NEK10: variants seen among roughly 807,000 people sequenced by gnomAD.
NEK10 encodes the protein serine/threonine-protein kinase Nek10.
In NEK10, 122 loss-of-function variants were observed where a neutral mutation model predicts 159.8. The observed-to-expected ratio is 0.76, with a 90% confidence interval of 0.66 to 0.89. The LOEUF (loss-of-function observed/expected upper bound fraction) is 0.89. Ranked by LOEUF, NEK10 falls within the 40% of genes least tolerant of loss-of-function variation. The pLI is 0.00. For missense variants in NEK10, 1,342 were observed against 1,323.1 expected (o/e 1.01, Z -0.22); for synonymous variants, 466 against 457.1 (o/e 1.02, Z -0.25).
intron 31 of NEK10, among the ~76,000 whole-genome samples, chr3:27,138,697 C>T (rs141655810): frequency 1.9e-4 from 29 of 152,284 alleles, no homozygotes; most frequent in African/African-American, 6.5e-4. Context: ...GATTTGGGAA[C>T]TGGTTTGACT....
At chr3:27,128,524 G>A (rs1051827226) in intron 32 of NEK10, among the ~76,000 whole-genome samples, 14 of 152,102 alleles carry the variant, frequency 9.2e-5, no homozygotes, top group Admixed American at 2.0e-4. Flanking sequence ...GTTAACATGC[G>A]ATAGAATTCA....
intron 33 of NEK10, among the ~76,000 whole-genome samples, chr3:27,119,107 GC>G (rs59236701): frequency 6.6e-6 from 1 of 152,162 alleles, no homozygotes; most frequent in Non-Finnish European, 1.5e-5. Context: ...ATTATGCTGA[GC>G]CCCTACTAAT....
chr3:27,112,667 T>A (rs1258715899), intron 35 of NEK10, among the ~76,000 whole-genome samples: 1 of 152,242 alleles, frequency 6.6e-6, no homozygotes, highest in Non-Finnish European at 1.5e-5. Context: ...TTTCTTATAG[T>A]ACATCTCAGA....
intron 22 of NEK10, among the ~76,000 whole-genome samples, chr3:27,272,489 G>C (rs575162675): frequency 7.9e-5 from 12 of 152,210 alleles, no homozygotes; most frequent in Non-Finnish European, 1.8e-4. Context: ...CAAAAAAGGG[G>C]ATGCACTTCT....
chr3:27,209,695 C>T (rs1950835523), intron 23 of NEK10, among the ~76,000 whole-genome samples: 1 of 152,192 alleles, frequency 6.6e-6, no homozygotes. Flanking sequence ...CAAAGGTGGG[C>T]CACGACTGGT....
At chr3:27,256,912 C>CTCTT (rs1956251908) in intron 22 of NEK10, among the ~76,000 whole-genome samples, 1 of 125,120 alleles carries the variant, frequency 8.0e-6, no homozygotes, top group African/African-American at 3.1e-5. Context: ...TTTTTTCTCT[C>CTCTT]TTTTTTTTTT....
intron 32 of NEK10, among the ~76,000 whole-genome samples, chr3:27,129,514 T>A (rs1942370208): frequency 6.6e-6 from 1 of 152,112 alleles, no homozygotes. Flanking sequence ...ATCAAAAGAT[T>A]ATACCAGAAA....
At chr3:27,247,225 A>G (rs746639478) in intron 23 of NEK10, among the ~76,000 whole-genome samples, 3 of 152,016 alleles carry the variant, frequency 2.0e-5, no homozygotes, top group Non-Finnish European at 4.4e-5. Flanking sequence ...GAGGTTTTCA[A>G]TTTTTCCCCA....
intron 29 of NEK10, among the ~76,000 whole-genome samples, chr3:27,163,279 G>C (rs908072371): frequency 1.3e-5 from 2 of 151,996 alleles, no homozygotes; most frequent in African/African-American, 4.8e-5. Flanking sequence ...ACTCTGTGGA[G>C]GTGGCCTTAG....
Position 27,108,849 on chromosome 3 carries a change from A to C in NEK10, c.*2423T>G, listed in dbSNP as rs1939237864. Among the ~76,000 whole-genome samples the C allele has an allele frequency of 6.6e-6, 1 of 152,184 alleles. No individual in the cohort carries two copies. The highest frequency in any genetic ancestry group is 1.5e-5 in the Non-Finnish European group (1 of 68,038). On this transcript the variant is annotated 3_prime_UTR_variant, in exon 36 of 36. Transcript: ENST00000691995. ...TGTTGGGATGTGACTCTATGTACAA[A>C]ATGGTGCTTTTGCCAGAGCCTGACT...
intron 23 of NEK10, among the ~76,000 whole-genome samples, chr3:27,233,862 A>C (rs944722160): frequency 1.3e-5 from 2 of 152,116 alleles, no homozygotes; most frequent in African/African-American, 4.8e-5. Context: ...TCAATGCAAA[A>C]ATCCTCAACA....
At chr3:27,284,011 T>C (rs549600191) in intron 22 of NEK10, among the ~76,000 whole-genome samples, 6 of 152,192 alleles carry the variant, frequency 3.9e-5, no homozygotes, top group Non-Finnish European at 5.9e-5. Flanking sequence ...ATGGGCAAAA[T>C]ATAGCTCAGT....
At chr3:27,152,670 A>G (rs1944998004) in intron 30 of NEK10, among the ~76,000 whole-genome samples, 1 of 152,206 alleles carries the variant, frequency 6.6e-6, no homozygotes, top group Non-Finnish European at 1.5e-5. Context: ...ACATTTCAAT[A>G]CTAACATTGA....
chr3:27,344,823 G>T (rs2047442582), intron 4 of NEK10, among the ~76,000 whole-genome samples: 3 of 152,226 alleles, frequency 2.0e-5, no homozygotes, highest in Admixed American at 2.0e-4. Context: ...AACACCAGTG[G>T]TTATCATTTA....
intron 23 of NEK10, among the ~76,000 whole-genome samples, chr3:27,243,028 T>C (rs1954718722): frequency 6.6e-6 from 1 of 152,190 alleles, no homozygotes; most frequent in Admixed American, 6.5e-5. Context: ...TTTATTGTCT[T>C]GTTTTAAAAT....
At chr3:27,365,618 T>TTTG (rs2049017368) in intron 1 of NEK10, among the ~76,000 whole-genome samples, 1 of 134,940 alleles carries the variant, frequency 7.4e-6, no homozygotes, top group African/African-American at 2.9e-5. Flanking sequence ...GTGTTTTTTT[T>TTTG]TTTTTTTTTT....
intron 22 of NEK10, among the ~76,000 whole-genome samples, chr3:27,270,384 T>C (rs1430864630): frequency 3.3e-5 from 5 of 152,168 alleles, no homozygotes; most frequent in Admixed American, 3.3e-4. Context: ...CCAGCCCCAG[T>C]CCAGGCTTCA....
Position 27,171,890 on chromosome 3 carries a change from G to A in NEK10, c.2777-17C>T. 1 of 1,607,926 alleles carries A rather than the reference G, an allele frequency of 6.2e-7. No individual in the cohort carries two copies. The highest frequency in any genetic ancestry group is 8.5e-7 in the Non-Finnish European group (1 of 1,176,710). On this transcript the variant is annotated splice_polypyrimidine_tract_variant and intron_variant, in intron 28 of 35. Coordinates refer to ENST00000691995, the MANE Select transcript of NEK10 (RefSeq NM_001394966.1). ...TTAAAATGTCTGAGACGAGAAAATA[G>A]AAATAACTTTACATTATTTCCTCTG...
Sources: allele counts gnomAD v4.1 joint callset (sites outside exome capture counted in the v4.1 genomes callset), GRCh38; gene constraint gnomAD v4.1.1; transcripts MANE v1.5; gene names NCBI Gene and HGNC (gene_info 2026-07-23, HGNC 2026-07-21).